PDE4DIP: variants seen among roughly 807,000 people sequenced by gnomAD.
PDE4DIP encodes the protein myomegalin.
In PDE4DIP, 59 loss-of-function variants were observed where a neutral mutation model predicts 221.4. The ratio of observed to expected loss-of-function variants is 0.27; its 90% CI spans 0.22 to 0.33. PDE4DIP has a LOEUF of 0.33. Ranked by LOEUF, PDE4DIP falls within the 10% of genes least tolerant of loss-of-function variation. The pLI, the probability that PDE4DIP is intolerant of heterozygous loss-of-function variation, is 1.00. For missense variants in PDE4DIP, 1,036 were observed against 2,154.2 expected (o/e 0.48, Z 10.28); for synonymous variants, 404 against 815.9 (o/e 0.50, Z 8.60).
At chr1:148,949,079 C>A (rs1425875175) in intron 5 of PDE4DIP, among the ~76,000 whole-genome samples, 1 of 152,118 alleles carries the variant, frequency 6.6e-6, no homozygotes, top group Admixed American at 6.6e-5. Flanking sequence ...TCTTTTTGAT[C>A]GCTGGCTAGT....
intron 1 of PDE4DIP, among the ~76,000 whole-genome samples, chr1:148,890,190 T>TGATTGGGAGC (rs1553435375): frequency 1.8e-5 from 1 of 54,080 alleles, no homozygotes. Flanking sequence ...TGGGAGCTGG[T>TGATTGGGAGC]TTAAAATGTA....
intron 19 of PDE4DIP, among the ~76,000 whole-genome samples, chr1:148,979,257 C>T (rs1340329245): frequency 6.6e-6 from 1 of 152,134 alleles, no homozygotes; most frequent in Non-Finnish European, 1.5e-5. Context: ...TGTCATAGCT[C>T]ATTATCTTTA....
rs1409884088 is a variant in PDE4DIP, at chr1:148,813,729, T to C, written c.233+4992T>C. Among the ~76,000 whole-genome samples, 14 of 122,650 alleles carry C rather than the reference T, an allele frequency of 1.1e-4. No homozygotes were observed. The South Asian group carries it at 3.3e-3, about 29-fold the overall frequency. The allele number at this position is 122,650 out of a possible 152,430, so 80.5% of individuals were successfully genotyped here. A position where few individuals can be genotyped will look rare whatever the true frequency, so the allele number is the denominator to read the frequency against. ...CATTTAGGCCTATGATCCATTTGAG[T>C]TAACTTTTGTATATTGTGATCAAGG... On this transcript the variant is annotated intron_variant, in intron 1 of 45. Transcript: ENST00000524974.
At chr1:149,014,001 TG>T (rs2152627339) in intron 32 of PDE4DIP, among the ~76,000 whole-genome samples, 1 of 152,164 alleles carries the variant, frequency 6.6e-6, no homozygotes, top group East Asian at 1.9e-4. Context: ...TTGCCAAGAC[TG>T]GTCTAGAGCT....
intron 32 of PDE4DIP, among the ~76,000 whole-genome samples, chr1:149,013,853 T>G (rs2069466207): frequency 7.0e-6 from 1 of 142,136 alleles, no homozygotes; most frequent in Non-Finnish European, 1.5e-5. Context: ...AGTGGCACGA[T>G]CTCGGCTCAC....
intron 19 of PDE4DIP, among the ~76,000 whole-genome samples, chr1:148,979,035 TAA>T (rs34462317): frequency 6.8e-4 from 91 of 132,946 alleles, no homozygotes; most frequent in Admixed American, 1.1e-3. Flanking sequence ...CTCTCCCAGT[TAA>T]AAAAAAAAAA....
At chr1:148,961,870 G>C (rs1201003599) in exon 7 of PDE4DIP, 1 of 1,587,848 alleles carries the variant, frequency 6.3e-7, no homozygotes, top group Middle Eastern at 1.7e-4. Context: ...AATGAGCTAT[G>C]AACTAAAGTG....
At chr1:148,888,980 GA>G (rs1697199500), upstream of PDE4DIP, among the ~76,000 whole-genome samples, 1 of 134,754 alleles carries the variant, frequency 7.4e-6, no homozygotes, top group South Asian at 2.7e-4. Context: ...TGTTTCGGGG[GA>G]AGGCTCATGG....
At chr1:148,944,359 A>C (rs1385625373) in intron 5 of PDE4DIP, among the ~76,000 whole-genome samples, 4 of 149,738 alleles carry the variant, frequency 2.7e-5, no homozygotes, top group Non-Finnish European at 3.0e-5. Flanking sequence ...GGAATAGAAT[A>C]TAGGGGGACA....
chr1:148,815,375 C>G (rs1169681934), intron 1 of PDE4DIP, among the ~76,000 whole-genome samples: 3 of 143,590 alleles, frequency 2.1e-5, no homozygotes, highest in Admixed American at 6.9e-5. Context: ...ATGGTGAAAC[C>G]CTGTCTCTGT....
chr1:148,960,852 A>G (rs1407973142), intron 6 of PDE4DIP, 67 bp downstream of exon 9: 4 of 516,362 alleles, frequency 7.7e-6, no homozygotes, highest in African/African-American at 7.7e-5. Context: ...CTCTAGCCTG[A>G]GTCTGTCAAC....
intron 31 of PDE4DIP, among the ~76,000 whole-genome samples, chr1:149,010,842 G>C (rs1353056939): frequency 6.7e-6 from 1 of 149,788 alleles, no homozygotes; most frequent in African/African-American, 2.5e-5. Flanking sequence ...CATTTAAAAA[G>C]AAACATTTTT....
chr1:149,030,448 C>T (rs587708166), intron 43 of PDE4DIP, 170 bp downstream of exon 46: 2 of 985,108 alleles, frequency 2.0e-6, no homozygotes, highest in Admixed American at 6.1e-5. Context: ...AGTTTCTGTC[C>T]CCATCACCCT....
intron 8 of PDE4DIP, 41 bp downstream of exon 11, chr1:148,962,329 G>A (rs1553512368): frequency 1.3e-6 from 2 of 1,512,082 alleles, no homozygotes; most frequent in South Asian, 1.1e-5. Flanking sequence ...CTTCAGTTGG[G>A]GATGTGCCAT....
intron 4 of PDE4DIP, among the ~76,000 whole-genome samples, chr1:148,933,188 T>C (rs1438659391): frequency 1.3e-5 from 2 of 151,974 alleles, no homozygotes; most frequent in Admixed American, 1.3e-4. Flanking sequence ...GAAGGATGAA[T>C]AGGAGGTAGA....
chr1:148,944,776 C>CA (rs1482465361), intron 5 of PDE4DIP, among the ~76,000 whole-genome samples: 3 of 152,102 alleles, frequency 2.0e-5, no homozygotes, highest in Non-Finnish European at 4.4e-5. Context: ...GAGGCTGAGG[C>CA]AGGAGAATTG....
chr1:148,975,313 GTT>G (rs1226706898), intron 17 of PDE4DIP, among the ~76,000 whole-genome samples: 14 of 145,514 alleles, frequency 9.6e-5, no homozygotes, highest in Non-Finnish European at 1.6e-4. Context: ...TATAATCAGT[GTT>G]TATCAAGTAT....
chr1:149,032,169 G>C (rs587638515), exon 44 of PDE4DIP: 215 of 1,194,954 alleles, frequency 1.8e-4, no homozygotes, highest in East Asian at 2.3e-4. Flanking sequence ...GTGGAGCTGG[G>C]AGAAAGGCAG....
intron 6 of PDE4DIP, 110 bp downstream of exon 9, chr1:148,960,895 C>G: frequency 1.8e-6 from 1 of 569,926 alleles, no homozygotes; most frequent in Non-Finnish European, 3.1e-6. Flanking sequence ...ATACTGTGTA[C>G]TCCTTGTGCT....
Sources: allele counts gnomAD v4.1 joint callset (sites outside exome capture counted in the v4.1 genomes callset), GRCh38; gene constraint gnomAD v4.1.1; transcripts MANE v1.5; gene names NCBI Gene and HGNC (gene_info 2026-07-23, HGNC 2026-07-21).